Variants in RGL3 observed in about 807,000 individuals in gnomAD.
RGL3 encodes ral guanine nucleotide dissociation stimulator-like 3.
A neutral mutation model predicts 90.6 loss-of-function variants in RGL3; 85 were observed. The observed-to-expected ratio is 0.94, with a 90% confidence interval of 0.79 to 1.12. The LOEUF is 1.12. RGL3 is among the 50% of genes most tolerant of loss of function. RGL3 has a pLI of 0.00. For synonymous variants in RGL3, 408 were observed against 385.5 expected (o/e 1.06, Z -0.68); for missense variants, 1,034 against 939.2 (o/e 1.10, Z -1.32).
rs201756334 is a variant in RGL3, at chr19:11,419,271, C to A, written c.8G>T (p.Arg3Leu). ...CAGGGCCAGCTCTTTGCCTGCTGTG[C>A]GCTCCATGGCCGGCGCCCGTCCCTC... The part of the protein sequence containing the change: ME[R>L]TAGKELALAP... Residue 3 changes from arginine to leucine, a missense_variant, in exon 1 of 19, where the codon CGC becomes CTC. Physicochemically the swap from Arg to Leu is moderately radical, Grantham distance 102. Transcript: ENST00000380456. The A allele has an allele frequency of 2.7e-5, 43 of 1,582,262 alleles. No individual in the cohort carries two copies. The Admixed American group carries it at 7.5e-4, about 28-fold the overall frequency.
rs780698498 is a variant in RGL3 at position 11,397,374 on chromosome 19, G to A, written c.1900-16C>T. 11 of 1,592,214 alleles carry A rather than the reference G, an allele frequency of 6.9e-6. No individual in the cohort carries two copies. The highest frequency in any genetic ancestry group is 2.3e-5 in the South Asian group (2 of 87,360). ...GACTGGTCAGCTGGAAGAGAGGGGCGGGAGGTGAGGTGAGGGCCCCGGCCC... is the reference window on the plus strand; with the variant it reads ...GACTGGTCAGCTGGAAGAGAGGGGCAGGAGGTGAGGTGAGGGCCCCGGCCC... On this transcript the variant is annotated splice_polypyrimidine_tract_variant and intron_variant, in intron 17 of 18. Coordinates refer to ENST00000380456, the MANE Select transcript of RGL3 (RefSeq NM_001035223.4).
Position 11,394,246 on chromosome 19 carries a change from G to A in RGL3, c.*156C>T. On this transcript the variant is annotated 3_prime_UTR_variant, in exon 19 of 19. Coordinates refer to ENST00000380456, the MANE Select transcript of RGL3 (RefSeq NM_001035223.4). The stretch of plus-strand genomic sequence containing the variant: ...TTGGAATATGGATCTAGTACCAACA[G>A]AGTCAGAAAAAGAGATGGGGTCCAA... 1.5e-6 allele frequency: 1 copy of A among 674,086 alleles called. No homozygotes were observed. The highest frequency in any genetic ancestry group is 2.7e-6 in the Non-Finnish European group (1 of 368,078). 41.8% of individuals were successfully genotyped at this position (674,086 alleles called of 1,614,324 possible). A position where few individuals can be genotyped will look rare whatever the true frequency, so the allele number is the denominator to read the frequency against.
intron 5 of RGL3, among the ~76,000 whole-genome samples, chr19:11,407,100 C>T (rs1302922039): frequency 1.3e-5 from 2 of 152,012 alleles, no homozygotes; most frequent in East Asian, 1.9e-4. Context: ...ATTCTCCTGC[C>T]TCAGCCTTCT....
chr19:11,396,333 A>G (rs1037177204), intron 18 of RGL3, among the ~76,000 whole-genome samples: 6 of 142,360 alleles, frequency 4.2e-5, no homozygotes, highest in African/African-American at 1.6e-4. Context: ...ATGCCCAGCT[A>G]ATTTTTTTGT....
intron 5 of RGL3, 123 bp from the exon 6 acceptor site, chr19:11,406,987 T>A: frequency 9.8e-7 from 1 of 1,020,960 alleles, no homozygotes; most frequent in Non-Finnish European, 1.4e-6. Context: ...AGAGCTCTCT[T>A]AAATTTTTTT....
At chr19:11,417,850 G>A (rs925726867) in intron 2 of RGL3, among the ~76,000 whole-genome samples, 8 of 151,822 alleles carry the variant, frequency 5.3e-5, no homozygotes, top group African/African-American at 1.9e-4. Context: ...TTTAGAAACA[G>A]GTCTTGTTTT....
At chr19:11,413,750 G>GTT (rs910982066) in intron 5 of RGL3, among the ~76,000 whole-genome samples, 2 of 137,164 alleles carry the variant, frequency 1.5e-5, no homozygotes, top group Admixed American at 7.5e-5. Context: ...TTGTTTTTTG[G>GTT]TTTTTTTTTT....
chr19:11,410,386 A>G (rs1968852603), intron 5 of RGL3, among the ~76,000 whole-genome samples: 1 of 152,024 alleles, frequency 6.6e-6, no homozygotes, highest in East Asian at 1.9e-4. Flanking sequence ...ATTGCAAAAT[A>G]TTAGTTTTTA....
At position 11,411,948 on chromosome 19, in the gene RGL3, AT is replaced by A. The variant is rs969524655; in HGVS notation, c.637+3988del. ...ATTTTTTTTATATCAAATATTTCTGATTTTTTTTTAAGTATGAACATGAAGG... is the reference window on the plus strand; with the variant it reads ...ATTTTTTTTATATCAAATATTTCTGATTTTTTTTAAGTATGAACATGAAGG... On this transcript the variant is annotated intron_variant, in intron 5 of 18. Transcript: ENST00000380456. Among the ~76,000 whole-genome samples the A allele has an allele frequency of 1.3e-3, 202 of 151,422 alleles. 1 individual carries two copies. The highest frequency in any genetic ancestry group is 2.1e-3 in the Non-Finnish European group (140 of 67,836).
chr19:11,415,741 C>T (rs563238039), intron 5 of RGL3, among the ~76,000 whole-genome samples, 196 bp downstream of exon 5: 1 of 151,566 alleles, frequency 6.6e-6, no homozygotes, highest in Admixed American at 6.6e-5. Flanking sequence ...TCCCAAACTG[C>T]TGGGATACAG....
In RGL3 at chr19:11,397,281, A is replaced by G. The variant is rs1968590848; in HGVS notation, c.1977T>C (p.Cys659=). The G allele has an allele frequency of 6.2e-7, 1 of 1,613,878 alleles. No homozygotes were observed. The highest frequency in any genetic ancestry group is 1.3e-5 in the African/African-American group (1 of 75,038). ...QKHNVPQPWA[C]DYQLFQVLPG... ...GAAGGACTTGAAAGAGCTGATAGTC[A>G]CAGGCCCAGGGCTGGGGCACATTGT... Residue 659 remains cysteine (C), a synonymous_variant, in exon 18 of 19, where the codon TGT becomes TGC. Transcript: ENST00000380456.
At chr19:11,406,301 A>T (rs1181963533) in intron 7 of RGL3, 118 bp downstream of exon 7, 1 of 1,057,960 alleles carries the variant, frequency 9.5e-7, no homozygotes, top group African/African-American at 1.6e-5. Context: ...CTAGGTATCA[A>T]CTTTCCACCC....
At chr19:11,416,764 TGAG>T (rs1486426977) in intron 3 of RGL3, 69 bp downstream of exon 3, 1 of 1,589,474 alleles carries the variant, frequency 6.3e-7, no homozygotes, top group African/African-American at 1.3e-5. Context: ...GTTCCACACC[TGAG>T]GAGGTGGAGG....
At chr19:11,418,636 C>G (rs1463865194) in intron 2 of RGL3, 35 bp downstream of exon 2, 5 of 1,492,330 alleles carry the variant, frequency 3.4e-6, no homozygotes, top group Non-Finnish European at 1.8e-6. Flanking sequence ...CTGGTCGCTT[C>G]CGGCCCCGCG....
chr19:11,408,517 C>T (rs1335022266), intron 5 of RGL3, among the ~76,000 whole-genome samples: 3 of 150,708 alleles, frequency 2.0e-5, no homozygotes, highest in Admixed American at 1.3e-4. Context: ...ACCCTGGAGA[C>T]GGAGCTTGCA....
Position 11,406,579 on chromosome 19 carries a change from C to T in RGL3, c.836G>A (p.Arg279Lys). 2 of 1,551,902 alleles carry T rather than the reference C, an allele frequency of 1.3e-6. No homozygotes were observed. Among genetic ancestry groups the T allele is most frequent in the Non-Finnish European group, 1.7e-6 (2 of 1,148,002 alleles). Residue 279 changes from arginine (R) to lysine (K), a missense_variant, in exon 7 of 19, where the codon AGG becomes AAG. Arg to Lys is a conservative substitution (Grantham distance 26). Coordinates refer to ENST00000380456, the MANE Select transcript of RGL3 (RefSeq NM_001035223.4). ...GGCGCCTGCAGCCCCCGGCCGGTCC[C>T]TCTGCGACCACACGGAGCCCAAGCA... ...YECLGSVWSQ[R>K]DRPGAAGASP...
intron 9 of RGL3, among the ~76,000 whole-genome samples, chr19:11,404,786 C>T (rs1968739260): frequency 6.6e-6 from 1 of 152,154 alleles, no homozygotes; most frequent in South Asian, 2.1e-4. Context: ...CTAAATCTTG[C>T]CTATAAATAA....
chr19:11,414,990 C>T (rs965625819), intron 5 of RGL3, among the ~76,000 whole-genome samples: 7 of 151,690 alleles, frequency 4.6e-5, no homozygotes, highest in Non-Finnish European at 7.4e-5. Flanking sequence ...ATTAGCCGGG[C>T]GTGGTGACAT....
intron 5 of RGL3, among the ~76,000 whole-genome samples, chr19:11,414,604 AGGAAGGT>A (rs1341198793): frequency 3.8e-4 from 56 of 146,604 alleles, no homozygotes; most frequent in African/African-American, 1.4e-3. Context: ...TAAATTGGAC[AGGAAGGT>A]GGCCACTATA....
Sources: gnomAD v4.1 joint callset for allele counts (sites outside exome capture counted in the v4.1 genomes callset) on GRCh38, gnomAD v4.1.1 for gene constraint, MANE v1.5 for transcripts, NCBI Gene and HGNC (gene_info 2026-07-23, HGNC 2026-07-21) for gene names.